The following RAPGEF5 variants were observed in gnomAD, a reference collection of about 807,000 sequenced individuals.
The protein encoded by RAPGEF5 is Rap guanine nucleotide exchange factor 5, also known as M-Ras-regulated GEF.
A neutral mutation model predicts 125.2 loss-of-function variants in RAPGEF5; 65 were observed. The ratio of observed to expected loss-of-function variants is 0.52; its 90% CI spans 0.43 to 0.64. The LOEUF (loss-of-function observed/expected upper bound fraction) is 0.64. Ranked by LOEUF, RAPGEF5 falls within the 30% of genes least tolerant of loss-of-function variation. RAPGEF5 has a pLI of 0.00. For missense variants in RAPGEF5, 958 were observed against 1,048.1 expected (o/e 0.91, Z 1.19); for synonymous variants, 391 against 385.9 (o/e 1.01, Z -0.16).
At chr7:22,163,001 G>A (rs1201865487) in intron 12 of RAPGEF5, 1 of 456,748 alleles carries the variant, frequency 2.2e-6, no homozygotes, top group African/African-American at 2.0e-5. Flanking sequence ...AGTTCCAAAT[G>A]AGTATAGATT....
chr7:22,129,673 T>C lies in RAPGEF5; in HGVS notation c.2481+1364A>G, dbSNP rs184559132. Among the ~76,000 whole-genome samples the C allele has an allele frequency of 1.8e-3, 274 of 152,278 alleles. 2 individuals are homozygous for C. The South Asian group carries it at 0.02, about 11-fold the overall frequency. On this transcript the variant is annotated intron_variant, in intron 24 of 25. Coordinates refer to ENST00000665637, the MANE Select transcript of RAPGEF5 (RefSeq NM_012294.5). ...GCTCTGTTGGTTTGACTGTAGCATC[T>C]AAAATAACTGAGCTCTGATTCCAAA...
chr7:22,162,309 G>C (rs1439102218), intron 13 of RAPGEF5, 88 bp downstream of exon 13: 3 of 1,359,128 alleles, frequency 2.2e-6, no homozygotes, highest in Admixed American at 2.1e-5. Flanking sequence ...CTGAATGACT[G>C]TTACCTACAA....
rs1348805431 is a variant in RAPGEF5 at position 22,284,536 on chromosome 7, TC to T, written c.747+6638del. On this transcript the variant is annotated intron_variant, in intron 6 of 25. Transcript: ENST00000665637. Reference sequence around the variant, plus strand: ...CTCAAAACTCAATCTGCCTGGCCCTTCCCCAAATCATATAGTAGCTCTTAAG... The same window carrying T: ...CTCAAAACTCAATCTGCCTGGCCCTTCCCAAATCATATAGTAGCTCTTAAG... Among the ~76,000 whole-genome samples the T allele has an allele frequency of 3.3e-5, 5 of 152,288 alleles. No homozygotes were observed. In the East Asian group the frequency reaches 9.6e-4, roughly 29 times the overall value.
chr7:22,154,397 C>G (rs1783731488), intron 17 of RAPGEF5, 58 bp downstream of exon 17: 2 of 1,579,984 alleles, frequency 1.3e-6, no homozygotes, highest in Non-Finnish European at 1.7e-6. Flanking sequence ...AATGTCACCT[C>G]CCTCCTTTTG....
intron 5 of RAPGEF5, among the ~76,000 whole-genome samples, chr7:22,301,593 T>C (rs1488927373): frequency 4.1e-5 from 5 of 120,960 alleles, no homozygotes; most frequent in Non-Finnish European, 8.0e-5. Flanking sequence ...CCAGTCTGGG[T>C]GGCAGAGTGA....
intron 6 of RAPGEF5, among the ~76,000 whole-genome samples, chr7:22,283,836 T>G (rs1782731946): frequency 6.6e-6 from 1 of 152,152 alleles, no homozygotes; most frequent in African/African-American, 2.4e-5. Flanking sequence ...CATTGAGACA[T>G]TTTACCCTTA....
At chr7:22,157,100 C>G (rs1209908696) in intron 15 of RAPGEF5, among the ~76,000 whole-genome samples, 1 of 152,112 alleles carries the variant, frequency 6.6e-6, no homozygotes, top group Non-Finnish European at 1.5e-5. Flanking sequence ...GGGCTAAGGC[C>G]AGCAGCAGGC....
At chr7:22,139,803 A>G in intron 21 of RAPGEF5, 1 of 451,822 alleles carries the variant, frequency 2.2e-6, no homozygotes. Flanking sequence ...ATCAGGCAGG[A>G]CAGAGGGGAA....
chr7:22,272,466 T>C (rs1782457661), intron 6 of RAPGEF5, among the ~76,000 whole-genome samples: 1 of 152,114 alleles, frequency 6.6e-6, no homozygotes, highest in South Asian at 2.1e-4. Flanking sequence ...ACAAATTAAT[T>C]TTTAATAGAA....
At chr7:22,216,005 T>A (rs1467883441) in intron 9 of RAPGEF5, among the ~76,000 whole-genome samples, 1 of 152,308 alleles carries the variant, frequency 6.6e-6, no homozygotes, top group Admixed American at 6.5e-5. Context: ...TACCAAAGAA[T>A]CCTTACAAAT....
chr7:22,135,492 AGT>A (rs1366824725), intron 23 of RAPGEF5, among the ~76,000 whole-genome samples: 1 of 152,210 alleles, frequency 6.6e-6, no homozygotes, highest in African/African-American at 2.4e-5. Flanking sequence ...GGGAGTGGTC[AGT>A]GGAGTAACTT....
At chr7:22,271,623 T>C (rs1428974611) in intron 6 of RAPGEF5, among the ~76,000 whole-genome samples, 2 of 152,244 alleles carry the variant, frequency 1.3e-5, no homozygotes, top group Non-Finnish European at 2.9e-5. Flanking sequence ...CACTTGCAGC[T>C]GACAGTTATA....
intron 6 of RAPGEF5, among the ~76,000 whole-genome samples, chr7:22,284,465 C>G (rs1192243140): frequency 6.6e-6 from 1 of 152,098 alleles, no homozygotes; most frequent in Non-Finnish European, 1.5e-5. Flanking sequence ...TCCTTAATGC[C>G]CCTTGGAACT....
rs1378960191 is a variant in RAPGEF5, at chr7:22,279,630, C to A, written c.747+11545G>T. ...CCTGAAGCAGCAAAATTCTGTAAAACCATGTCGGCAACCCTCATCCCTTCA... is the reference window on the plus strand; with the variant it reads ...CCTGAAGCAGCAAAATTCTGTAAAAACATGTCGGCAACCCTCATCCCTTCA... On this transcript the variant is annotated intron_variant, in intron 6 of 25. Coordinates refer to ENST00000665637, the MANE Select transcript of RAPGEF5 (RefSeq NM_012294.5). Among the ~76,000 whole-genome samples, 6 of 152,146 alleles carry A rather than the reference C, an allele frequency of 3.9e-5. No homozygotes were observed. In the East Asian group the frequency reaches 1.2e-3, roughly 29 times the overall value.
At chr7:22,258,017 C>G (rs1782045308) in intron 7 of RAPGEF5, among the ~76,000 whole-genome samples, 1 of 152,098 alleles carries the variant, frequency 6.6e-6, no homozygotes, top group Non-Finnish European at 1.5e-5. Context: ...TCATCATTGA[C>G]AGATGATGAA....
At chr7:22,296,921 A>C (rs143022316) in intron 5 of RAPGEF5, among the ~76,000 whole-genome samples, 1 of 152,222 alleles carries the variant, frequency 6.6e-6, no homozygotes, top group Non-Finnish European at 1.5e-5. Context: ...GTCAAGTAAG[A>C]TGAGGACTGA....
At chr7:22,249,443 G>A (rs1786563267) in intron 7 of RAPGEF5, among the ~76,000 whole-genome samples, 1 of 151,988 alleles carries the variant, frequency 6.6e-6, no homozygotes, top group Non-Finnish European at 1.5e-5. Context: ...CTCCACCTCG[G>A]CTTCCCAAAG....
At position 22,118,236 on chromosome 7, in the gene RAPGEF5, T is replaced by C. The variant is rs1782461270; in HGVS notation, c.*4170A>G. 6.6e-6 allele frequency: 1 copy of C among 152,300 alleles called. No individual in the cohort carries two copies. Among genetic ancestry groups the C allele is most frequent in the African/African-American group, 2.4e-5 (1 of 41,452 alleles). The allele number at this position is 152,300 out of a possible 1,614,324, so 9.4% of individuals were successfully genotyped here. ...GAGTTCCAACCCCCTGAGCATCATA[T>C]GCTGCCAGAACAGAGCTATTTAATC... is the stretch of plus-strand genomic sequence containing the variant. On this transcript the variant is annotated 3_prime_UTR_variant, in exon 26 of 26. Coordinates refer to ENST00000665637, the MANE Select transcript of RAPGEF5 (RefSeq NM_012294.5).
chr7:22,278,654 C>T (rs1444888198), intron 6 of RAPGEF5, among the ~76,000 whole-genome samples: 2 of 150,610 alleles, frequency 1.3e-5, no homozygotes, highest in African/African-American at 4.9e-5. Flanking sequence ...TGGTTCATGC[C>T]AATAATGTTG....
Sources: gnomAD v4.1 joint callset for allele counts (sites outside exome capture counted in the v4.1 genomes callset) on GRCh38, gnomAD v4.1.1 for gene constraint, MANE v1.5 for transcripts, NCBI Gene and HGNC (gene_info 2026-07-23, HGNC 2026-07-21) for gene names.